OPRM1: variants seen among roughly 807,000 people sequenced by gnomAD.
The protein encoded by OPRM1 is mu-type opioid receptor.
Under a neutral mutation model 31.8 loss-of-function variants are expected in OPRM1, and 27 were observed. The ratio of observed to expected loss-of-function variants is 0.85; its 90% CI spans 0.63 to 1.17. The LOEUF is 1.17. Ranked by LOEUF, OPRM1 falls within the 50% of genes most tolerant of loss-of-function variation. OPRM1 has a pLI of 0.00. For synonymous variants in OPRM1, 196 were observed against 189.9 expected, an observed-to-expected ratio of 1.03 and a Z score of -0.26; for missense variants, 536 against 511.1, an observed-to-expected ratio of 1.05 and a Z score of -0.47.
intron 3 of OPRM1, 187 bp downstream of exon 3, chr6:154,091,659 A>G: frequency 3.6e-6 from 5 of 1,388,788 alleles, no homozygotes; most frequent in Non-Finnish European, 4.6e-6. Context: ...TTGACTGTAC[A>G]TATTCATTTA....
intron 1 of OPRM1, among the ~76,000 whole-genome samples, chr6:154,040,100 G>T (rs1199782141): frequency 6.6e-6 from 1 of 152,114 alleles, no homozygotes; most frequent in Non-Finnish European, 1.5e-5. Context: ...TCTAGGGGTG[G>T]GGGGCGGAGG....
intron 3 of OPRM1, among the ~76,000 whole-genome samples, chr6:154,149,382 C>T (rs6940181): frequency 0.1 from 15,760 of 152,080 alleles, 1,183 homozygotes; most frequent in East Asian, 0.41. Flanking sequence ...TACCTCCCCT[C>T]CATCCCTCCC....
At chr6:154,211,700 T>C (rs1231425359) in intron 3 of OPRM1, among the ~76,000 whole-genome samples, 1 of 152,152 alleles carries the variant, frequency 6.6e-6, no homozygotes, top group African/African-American at 2.4e-5. Context: ...TGTGGAACAG[T>C]TTAAAAAAGA....
At chr6:154,187,168 T>C (rs1429066727) in intron 3 of OPRM1, among the ~76,000 whole-genome samples, 1 of 152,152 alleles carries the variant, frequency 6.6e-6, no homozygotes, top group African/African-American at 2.4e-5. Flanking sequence ...CTCCCCTCCA[T>C]AGTTTTCTGC....
chr6:154,039,497 G>C lies in OPRM1; in HGVS notation c.-48G>C, dbSNP rs77114424. On this transcript the variant is annotated 5_prime_UTR_variant, in exon 1 of 4. Coordinates refer to ENST00000330432, the MANE Select transcript of OPRM1 (RefSeq NM_000914.5). ...GGCGCTTGGAACCCGAAAAGTCTCG[G>C]TGCTCCTGGCTACCTCGCACAGCGG... is the stretch of plus-strand genomic sequence containing the variant. 6.4e-7 allele frequency: 1 copy of C among 1,571,872 alleles called. No individual in the cohort carries two copies. The highest frequency in any genetic ancestry group is 8.6e-7 in the Non-Finnish European group (1 of 1,158,338).
Position 154,198,777 on chromosome 6 carries a change from G to C in OPRM1, c.1165-47916G>C, listed in dbSNP as rs553011420. Reference sequence around the variant, plus strand: ...AAAGAAACATTCCCTGATTAGGCTAGAGGAGAGGAGAGAGCAGTCATCTAT... The same window carrying C: ...AAAGAAACATTCCCTGATTAGGCTACAGGAGAGGAGAGAGCAGTCATCTAT... On this transcript the variant is annotated intron_variant, in intron 3 of 3. Transcript: ENST00000337049. 3.3e-5 allele frequency among the ~76,000 whole-genome samples: 5 copies of C among 152,246 alleles called. No individual in the cohort carries two copies. The South Asian group carries it at 1.0e-3, about 32-fold the overall frequency.
chr6:154,107,457 C>A (rs1336040758), intron 3 of OPRM1: 1 of 718,442 alleles, frequency 1.4e-6, no homozygotes, highest in East Asian at 2.7e-5. Context: ...AAGTGACTTA[C>A]TTTCTAGGTG....
At chr6:154,203,622 T>G (rs1777248615) in intron 3 of OPRM1, among the ~76,000 whole-genome samples, 1 of 152,118 alleles carries the variant, frequency 6.6e-6, no homozygotes, top group Non-Finnish European at 1.5e-5. Flanking sequence ...ATGCACAGAC[T>G]TTGGTCTCCA....
chr6:154,094,262 C>G, intron 3 of OPRM1: 3 of 1,268,318 alleles, frequency 2.4e-6, no homozygotes, highest in Non-Finnish European at 3.1e-6. Context: ...TGACAACTGT[C>G]CACTGAGGCA....
chr6:154,176,871 G>T (rs1248322247), intron 3 of OPRM1, among the ~76,000 whole-genome samples: 1 of 152,168 alleles, frequency 6.6e-6, no homozygotes, highest in African/African-American at 2.4e-5. Flanking sequence ...GAGGCATCAT[G>T]CTACCTGACT....
chr6:154,037,891 A>T (rs1050305500), upstream of OPRM1, among the ~76,000 whole-genome samples: 1 of 152,186 alleles, frequency 6.6e-6, no homozygotes, highest in African/African-American at 2.4e-5. Context: ...TGTCTTCCAC[A>T]TGAACTAAGC....
chr6:154,163,187 G>A (rs1444511410), intron 3 of OPRM1, among the ~76,000 whole-genome samples: 1 of 152,106 alleles, frequency 6.6e-6, no homozygotes, highest in African/African-American at 2.4e-5. Flanking sequence ...TCAATGGCTC[G>A]AGTCCCTGCT....
intron 1 of OPRM1, among the ~76,000 whole-genome samples, chr6:154,024,560 A>T (rs1778574843): frequency 6.8e-6 from 1 of 146,150 alleles, no homozygotes; most frequent in African/African-American, 2.5e-5. Context: ...CCTGATTTTT[A>T]TTATTTCTTT....
At chr6:154,086,949 C>T (rs981433924) in intron 1 of OPRM1, 12 of 982,876 alleles carry the variant, frequency 1.2e-5, no homozygotes, top group African/African-American at 7.0e-5. Flanking sequence ...CTTAAAACCA[C>T]AGTTTTAATT....
chr6:154,099,362 A>AC (rs1794023235), intron 3 of OPRM1, among the ~76,000 whole-genome samples: 3 of 149,272 alleles, frequency 2.0e-5, no homozygotes, highest in African/African-American at 2.5e-5. Context: ...AGAGAGAGAG[A>AC]GAGAGAAAGA....
chr6:154,115,770 G>C (rs1322830573), intron 3 of OPRM1, among the ~76,000 whole-genome samples: 1 of 152,188 alleles, frequency 6.6e-6, no homozygotes, highest in Non-Finnish European at 1.5e-5. Context: ...CATTAAAGGA[G>C]GATTGATCTC....
chr6:154,086,733 AAC>A, intron 1 of OPRM1: 1 of 985,418 alleles, frequency 1.0e-6, no homozygotes, highest in Non-Finnish European at 1.2e-6. Flanking sequence ...CTTAACATAA[AAC>A]ACCATTAAAG....
intron 3 of OPRM1, among the ~76,000 whole-genome samples, chr6:154,107,151 C>T (rs1047241704): frequency 2.0e-5 from 3 of 152,188 alleles, no homozygotes; most frequent in African/African-American, 7.2e-5. Context: ...AATTGGATGA[C>T]TGGCTTGAGG....
intron 3 of OPRM1, among the ~76,000 whole-genome samples, chr6:154,220,868 A>C (rs754634952): frequency 2.0e-5 from 3 of 152,250 alleles, no homozygotes; most frequent in African/African-American, 4.8e-5. Context: ...GTGAATCATC[A>C]CGATAATCAC....
Sources: gnomAD v4.1 joint callset for allele counts (sites outside exome capture counted in the v4.1 genomes callset) on GRCh38, gnomAD v4.1.1 for gene constraint, MANE v1.5 for transcripts, NCBI Gene and HGNC (gene_info 2026-07-23, HGNC 2026-07-21) for gene names.